The following DAB1 variants were observed in gnomAD, a reference collection of about 807,000 sequenced individuals.
DAB1 encodes DAB adaptor protein 1.
In DAB1, 15 loss-of-function variants were observed where a neutral mutation model predicts 64.6. The ratio of observed to expected loss-of-function variants is 0.23; its 90% confidence interval spans 0.16 to 0.36. The LOEUF (loss-of-function observed/expected upper bound fraction) is 0.36, where lower values mean the gene tolerates loss of function less well. Among genes scored for constraint, DAB1 ranks in the 10% least tolerant of loss-of-function variants. The pLI is 1.00. For synonymous variants in DAB1, 235 were observed against 251.9 expected (o/e 0.93, Z 0.64); for missense variants, 596 against 706.7 (o/e 0.84, Z 1.78).
At chr1:57,138,749 C>T (rs1181903032) in intron 3 of DAB1, among the ~76,000 whole-genome samples, 3 of 152,140 alleles carry the variant, frequency 2.0e-5, no homozygotes, top group Non-Finnish European at 1.5e-5. Flanking sequence ...CCTCTCTGAC[C>T]CTCTTAGCCA....
intron 1 of DAB1, among the ~76,000 whole-genome samples, chr1:57,417,556 T>G (rs537299462): frequency 1.3e-5 from 2 of 152,222 alleles, no homozygotes; most frequent in African/African-American, 4.8e-5. Flanking sequence ...AAATTCTTCA[T>G]GAGTTAAATG....
At chr1:57,070,822 A>G in intron 7 of DAB1, 1 of 604,322 alleles carries the variant, frequency 1.7e-6, no homozygotes, top group Non-Finnish European at 3.0e-6. Context: ...TCCAAATCCC[A>G]AGATACCGAT....
intron 5 of DAB1, chr1:58,056,491 C>T (rs752631931): frequency 4.6e-5 from 61 of 1,326,034 alleles, no homozygotes; most frequent in Admixed American, 1.3e-4. Flanking sequence ...CTTGGAGGCA[C>T]GGACCAGAGA....
chr1:58,022,605 C>T (rs1029035365), intron 5 of DAB1, among the ~76,000 whole-genome samples: 3 of 152,198 alleles, frequency 2.0e-5, no homozygotes, highest in African/African-American at 4.8e-5. Flanking sequence ...GCATGACTCA[C>T]GGTATGTTTA....
At chr1:57,000,022 C>T (rs1645787833) in intron 14 of DAB1, among the ~76,000 whole-genome samples, 2 of 150,442 alleles carry the variant, frequency 1.3e-5, no homozygotes. Context: ...TAGGTTACCA[C>T]TTGCCAGTTC....
chr1:58,404,028 C>A (rs551010600), intron 3 of DAB1, among the ~76,000 whole-genome samples: 2 of 152,158 alleles, frequency 1.3e-5, no homozygotes, highest in African/African-American at 4.8e-5. Context: ...TCCCAGAGAA[C>A]AGACAACAGA....
At chr1:57,505,082 G>A (rs1170978665) in intron 7 of DAB1, among the ~76,000 whole-genome samples, 3 of 151,576 alleles carry the variant, frequency 2.0e-5, no homozygotes, top group Non-Finnish European at 4.4e-5. Flanking sequence ...ATGGGCAATA[G>A]TTAATAATCA....
chr1:57,568,089 TG>T (rs1645145746), intron 7 of DAB1, among the ~76,000 whole-genome samples: 1 of 152,022 alleles, frequency 6.6e-6, no homozygotes, highest in Non-Finnish European at 1.5e-5. Flanking sequence ...TATAGACCAA[TG>T]GAACAGAACA....
At chr1:57,406,863 C>G (rs536679962) in intron 1 of DAB1, among the ~76,000 whole-genome samples, 6 of 152,292 alleles carry the variant, frequency 3.9e-5, no homozygotes, top group African/African-American at 1.2e-4. Flanking sequence ...TTGTTTAGAT[C>G]ATGTCCAAGA....
intron 3 of DAB1, among the ~76,000 whole-genome samples, chr1:58,487,337 C>T (rs767806301): frequency 6.6e-6 from 1 of 152,198 alleles, no homozygotes; most frequent in African/African-American, 2.4e-5. Context: ...GCTGCTCATG[C>T]ATTTGAGGAT....
chr1:58,262,599 AC>A, intron 4 of DAB1, among the ~76,000 whole-genome samples: 1 of 152,234 alleles, frequency 6.6e-6, no homozygotes, highest in Non-Finnish European at 1.5e-5. Flanking sequence ...AACAAAAAAA[AC>A]AAAAACCTCA....
intron 3 of DAB1, among the ~76,000 whole-genome samples, chr1:58,463,828 T>C (rs1446571628): frequency 1.3e-5 from 2 of 152,252 alleles, no homozygotes; most frequent in African/African-American, 2.4e-5. Context: ...GTCCTTGTCA[T>C]GTGTTTCAGT....
chr1:57,460,050 CG>C (rs1224293938), intron 7 of DAB1, among the ~76,000 whole-genome samples: 1 of 152,158 alleles, frequency 6.6e-6, no homozygotes, highest in Non-Finnish European at 1.5e-5. Context: ...ACTAGCTCAT[CG>C]GGCACTTTTG....
intron 5 of DAB1, among the ~76,000 whole-genome samples, chr1:58,070,382 G>C (rs1157288939): frequency 6.6e-6 from 1 of 152,132 alleles, no homozygotes; most frequent in Non-Finnish European, 1.5e-5. Context: ...TTGCTGGTTT[G>C]GTCATCACAA....
intron 5 of DAB1, among the ~76,000 whole-genome samples, chr1:58,108,039 G>A (rs1439244719): frequency 6.6e-6 from 1 of 152,226 alleles, no homozygotes; most frequent in African/African-American, 2.4e-5. Context: ...AAGAGAAGTA[G>A]AGAGAAAGTT....
At chr1:57,724,485 C>G (rs1200194319) in intron 6 of DAB1, among the ~76,000 whole-genome samples, 1 of 152,108 alleles carries the variant, frequency 6.6e-6, no homozygotes, top group Non-Finnish European at 1.5e-5. Context: ...TTGCCTTGCT[C>G]CTCCCTGGAG....
chr1:57,044,416 T>G (rs1300315022), intron 9 of DAB1, among the ~76,000 whole-genome samples: 2 of 152,178 alleles, frequency 1.3e-5, no homozygotes, highest in African/African-American at 2.4e-5. Flanking sequence ...GGAGGCATCT[T>G]ACAGTATTAC....
At chr1:58,189,892 A>T (rs1657292813) in intron 4 of DAB1, among the ~76,000 whole-genome samples, 1 of 152,178 alleles carries the variant, frequency 6.6e-6, no homozygotes. Flanking sequence ...CTTGTGAGAA[A>T]TTGGCTTCAC....
chr1:57,690,805 T>C (rs980324376), intron 6 of DAB1, among the ~76,000 whole-genome samples: 3 of 152,136 alleles, frequency 2.0e-5, no homozygotes, highest in Non-Finnish European at 4.4e-5. Context: ...TCACCAGCAT[T>C]TGTTATTGCC....
Sources: allele counts gnomAD v4.1 joint callset (sites outside exome capture counted in the v4.1 genomes callset), GRCh38; gene constraint gnomAD v4.1.1; transcripts MANE v1.5; gene names NCBI Gene and HGNC (gene_info 2026-07-23, HGNC 2026-07-21).